MFNG: variants seen among roughly 807,000 people sequenced by gnomAD.
MFNG encodes beta-1,3-N-acetylglucosaminyltransferase manic fringe.
MFNG carries 24 observed loss-of-function variants against 34.2 expected under a neutral mutation model. The ratio of observed to expected loss-of-function variants is 0.70; its 90% CI spans 0.51 to 0.99. MFNG has a LOEUF of 0.99. Ranked by LOEUF, MFNG falls within the 50% of genes least tolerant of loss-of-function variation. The pLI is 0.00. For missense variants in MFNG, 383 were observed against 424.0 expected, an observed-to-expected ratio of 0.90 and a Z score of 0.85; for synonymous variants, 158 against 179.2, an observed-to-expected ratio of 0.88 and a Z score of 0.94.
rs1471295883 is a variant in MFNG, at chr22:37,470,014, A to G, written c.915T>C (p.His305=). ...AGGGTGTATCTGGATAGAGCAGACA[A>G]TGGAGGGAGCGAAATCTGCAGAGAG... ...EEDPSRFRSL[H]CLLYPDTPWC... The change falls in exon 8 of 8, where the codon CAT becomes CAC. Residue 305 remains histidine, a synonymous_variant. Coordinates refer to ENST00000356998, the MANE Select transcript of MFNG (RefSeq NM_002405.4). 4.4e-6 allele frequency: 7 copies of G among 1,608,264 alleles called. No individual in the cohort carries two copies. Among genetic ancestry groups the G allele is most frequent in the Non-Finnish European group, 5.9e-6 (7 of 1,177,064 alleles).
Position 37,485,478 on chromosome 22 carries a change from C to G in MFNG, c.255+445G>C, listed in dbSNP as rs1922503359. On this transcript the variant is annotated intron_variant, in intron 1 of 7. Transcript: ENST00000356998. This position sits in a 1 kb window ranked among gnomAD's most constrained non-coding sequence, Gnocchi z 5.3. The stretch of plus-strand genomic sequence containing the variant: ...AGCCCGGGCAGGACAGCACCTAGGG[C>G]CTGGGTGGGACAGCCTGGCCTGGGC... Among the ~76,000 whole-genome samples the G allele has an allele frequency of 6.6e-6, 1 of 152,204 alleles. No individual in the cohort carries two copies. The highest frequency in any genetic ancestry group is 1.5e-5 in the Non-Finnish European group (1 of 68,028).
At chr22:37,473,600 G>C (rs1921904436) in intron 6 of MFNG, among the ~76,000 whole-genome samples, 1 of 152,110 alleles carries the variant, frequency 6.6e-6, no homozygotes, top group South Asian at 2.1e-4. Context: ...TCCAGGCCTG[G>C]CCAATCAACA....
rs777054611 is a variant in MFNG, at chr22:37,486,198, G to A, written c.-21C>T. 5.9e-6 allele frequency: 9 copies of A among 1,520,454 alleles called. No homozygotes were observed. The highest frequency in any genetic ancestry group is 2.8e-5 in the African/African-American group (2 of 72,672). 94.2% of individuals were successfully genotyped at this position (1,520,454 alleles called of 1,614,324 possible). On this transcript the variant is annotated 5_prime_UTR_variant, in exon 1 of 8. Transcript: ENST00000356998. ...TGCATTGGTTGGCCCTGGGACCCCA[G>A]ACAGCTCAGCCCCCAAATCCCAACC...
rs1398787550 is a variant in MFNG at position 37,485,987 on chromosome 22, C to T, written c.191G>A (p.Arg64Gln). The change falls in exon 1 of 8, where the codon CGG becomes CAG. Residue 64 changes from arginine to glutamine, a missense_variant. Coordinates refer to ENST00000356998, the MANE Select transcript of MFNG (RefSeq NM_002405.4). This position sits in a 1 kb window ranked among gnomAD's most constrained non-coding sequence, Gnocchi z 5.3. The part of the protein sequence containing the change: ...HDVFIAVKTT[R>Q]AFHRLRLELL... ...CTCCAGGCGCAAGCGGTGGAAAGCC[C>T]GGGTCGTCTTCACTGCAATGAAGAC... The T allele has an allele frequency of 1.1e-5, 17 of 1,613,852 alleles. No homozygotes were observed. The highest frequency in any genetic ancestry group is 1.4e-5 in the Non-Finnish European group (16 of 1,179,914).
chr22:37,485,929 C>G lies in MFNG; in HGVS notation c.249G>C (p.Arg83Ser). 6.2e-7 allele frequency: 1 copy of G among 1,612,922 alleles called. No individual in the cohort carries two copies. Among genetic ancestry groups the G allele is most frequent in the South Asian group, 1.1e-5 (1 of 90,932 alleles). The stretch of plus-strand genomic sequence containing the variant: ...AATGTCACCCACTTGTCACCTGTTC[C>G]CTGGTCCTGGAAACCCACGTGTCAA... ...LLLDTWVSRT[R>S]EQTFVFTDSP... is the part of the protein sequence containing the mutation. The change falls in exon 1 of 8, where the codon AGG (arginine) becomes AGC (serine). Residue 83 changes from arginine to serine, a missense_variant. Coordinates refer to ENST00000356998, the MANE Select transcript of MFNG (RefSeq NM_002405.4). The surrounding 1 kb of genome is among the most constrained non-coding windows in gnomAD (Gnocchi z 5.3).
Position 37,469,876 on chromosome 22 carries a change from G to A in MFNG, c.*87C>T, listed in dbSNP as rs1166424179. 9.0e-7 allele frequency: 1 copy of A among 1,107,562 alleles called. No homozygotes were observed. Among genetic ancestry groups the A allele is most frequent in the East Asian group, 2.6e-5 (1 of 38,916 alleles). 68.6% of individuals were successfully genotyped at this position (1,107,562 alleles called of 1,614,324 possible). On this transcript the variant is annotated 3_prime_UTR_variant, in exon 8 of 8. Coordinates refer to ENST00000356998, the MANE Select transcript of MFNG (RefSeq NM_002405.4). ...CCCTGCCAGGGACTGCCTATCACAA[G>A]ACACTTGCCAGGGACCCACAGTGCC...
Position 37,470,049 on chromosome 22 carries a change from G to T in MFNG, c.900-20C>A. The T allele has an allele frequency of 6.4e-7, 1 of 1,573,626 alleles. No individual in the cohort carries two copies. The highest frequency in any genetic ancestry group is 8.7e-7 in the Non-Finnish European group (1 of 1,153,190). On this transcript the variant is annotated intron_variant, in intron 7 of 7. Transcript: ENST00000356998. ...CGAAATCTGCAGAGAGACCAGAAAA[G>T]GACAGGATGGTCACCCCCCACTTCT...
Position 37,485,502 on chromosome 22 carries a change from G to A in MFNG, c.255+421C>T, listed in dbSNP as rs962585860. On this transcript the variant is annotated intron_variant, in intron 1 of 7. Coordinates refer to ENST00000356998, the MANE Select transcript of MFNG (RefSeq NM_002405.4). This position sits in a 1 kb window ranked among gnomAD's most constrained non-coding sequence, Gnocchi z 5.3. ...GCCTGGGTGGGACAGCCTGGCCTGG[G>A]CACGGGTCTGGGTCAGGACCTCTTG... Among the ~76,000 whole-genome samples the A allele has an allele frequency of 1.3e-5, 2 of 152,210 alleles. No homozygotes were observed. The highest frequency in any genetic ancestry group is 2.4e-5 in the African/African-American group (1 of 41,462).
chr22:37,475,017 A>G (rs1377053314), intron 5 of MFNG, among the ~76,000 whole-genome samples: 1 of 152,164 alleles, frequency 6.6e-6, no homozygotes, highest in East Asian at 1.9e-4. Flanking sequence ...GCCAGATACC[A>G]TGCTAGGGCT....
In MFNG at chr22:37,486,339, G is replaced by A. The variant is rs1922556648; in HGVS notation, c.-162C>T. 1.4e-6 allele frequency: 1 copy of A among 691,950 alleles called. No individual in the cohort carries two copies. 42.9% of individuals were successfully genotyped at this position (691,950 alleles called of 1,614,324 possible). On this transcript the variant is annotated 5_prime_UTR_variant, in exon 1 of 8. It introduces an in-frame stop codon into an upstream open reading frame of the 5' UTR. Transcript: ENST00000356998. ...AGCTGAGGCTCTGGACCCAGAGGCT[G>A]AGCCATGGCAGCACGATCTCGACCG...
rs1210341716 is a variant in MFNG, at chr22:37,482,385, T to A, written c.256-1616A>T. 6.6e-6 allele frequency among the ~76,000 whole-genome samples: 1 copy of A among 152,066 alleles called. No homozygotes were observed. The highest frequency in any genetic ancestry group is 1.5e-5 in the Non-Finnish European group (1 of 68,008). ...CCTGCCTGATGTAGTCTGATCTCATTACTTCCTGTCCACCCCTGGGGCTTC... is the reference window on the plus strand; with the variant it reads ...CCTGCCTGATGTAGTCTGATCTCATAACTTCCTGTCCACCCCTGGGGCTTC... On this transcript the variant is annotated intron_variant, in intron 1 of 7. Transcript: ENST00000356998. The surrounding 1 kb of genome is among the most constrained non-coding windows in gnomAD (Gnocchi z 4.1).
At chr22:37,479,587 G>T in intron 3 of MFNG, 89 bp from the exon 4 acceptor site, 1 of 1,523,616 alleles carries the variant, frequency 6.6e-7, no homozygotes, top group Non-Finnish European at 9.0e-7. Context: ...AACAGTGACG[G>T]AATGGGGGTA....
At chr22:37,473,783 A>ACTT (rs1921915471) in intron 6 of MFNG, among the ~76,000 whole-genome samples, 1 of 152,228 alleles carries the variant, frequency 6.6e-6, no homozygotes, top group Non-Finnish European at 1.5e-5. Context: ...GGATGGGCCA[A>ACTT]CTTGGGGGAG....
chr22:37,476,301 A>C (rs1922038031), intron 5 of MFNG, among the ~76,000 whole-genome samples: 1 of 151,872 alleles, frequency 6.6e-6, no homozygotes. Context: ...TCCCCTCATA[A>C]TATTAGGAGT....
chr22:37,486,024 G>A lies in MFNG; in HGVS notation c.154C>T (p.Gln52Ter), dbSNP rs1164418569. 40 of 1,614,090 alleles carry A rather than the reference G, an allele frequency of 2.5e-5. No homozygotes were observed. Among genetic ancestry groups the A allele is most frequent in the Non-Finnish European group, 3.3e-5 (39 of 1,179,974 alleles). ...ACTGCAATGAAGACATCGTGTAGCT[G>A]TAGCTTAGGGGGCCCCGGGTTCGGC... Reference protein sequence around the residue: ...SQPNPGPPKLQLHDVFIAVKT... With the variant: ...SQPNPGPPKL The change falls in exon 1 of 8, where the codon CAG (glutamine) becomes TAG (stop). Residue 52 changes from glutamine to a stop codon, truncating the protein, a stop_gained. Transcript: ENST00000356998. LOFTEE classifies it high-confidence loss of function.
chr22:37,473,295 G>T (rs753488913), intron 6 of MFNG, among the ~76,000 whole-genome samples: 1 of 152,068 alleles, frequency 6.6e-6, no homozygotes, highest in East Asian at 1.9e-4. Flanking sequence ...CAGGCATGGT[G>T]GTGGGTGCCT....
In MFNG at chr22:37,474,503, C is replaced by A. The variant is rs1360892410; in HGVS notation, c.813+9G>T. The A allele has an allele frequency of 3.7e-6, 6 of 1,613,254 alleles. No individual in the cohort carries two copies. The African/African-American group carries it at 6.7e-5, about 18-fold the overall frequency. On this transcript the variant is annotated intron_variant, in intron 6 of 7. Coordinates refer to ENST00000356998, the MANE Select transcript of MFNG (RefSeq NM_002405.4). ...TCCCATTTGCCACCTGCCCCCAAGG[C>A]CAGCTCACCTGTTCTGGGAGCTGTG... is the stretch of plus-strand genomic sequence containing the variant.
rs918762857 is a variant in MFNG at position 37,483,932 on chromosome 22, A to G, written c.255+1991T>C. Among the ~76,000 whole-genome samples the G allele has an allele frequency of 2.0e-5, 3 of 152,202 alleles. No individual in the cohort carries two copies. The highest frequency in any genetic ancestry group is 7.2e-5 in the African/African-American group (3 of 41,448). ...AAGGTTGGCACAGAGCGATGGGCAGAGTTTCTTTGGAGCCAAGGGCTGCAT... is the reference window on the plus strand; with the variant it reads ...AAGGTTGGCACAGAGCGATGGGCAGGGTTTCTTTGGAGCCAAGGGCTGCAT... On this transcript the variant is annotated intron_variant, in intron 1 of 7. Transcript: ENST00000356998. The surrounding 1 kb of genome is among the most constrained non-coding windows in gnomAD (Gnocchi z 4.5).
intron 5 of MFNG, among the ~76,000 whole-genome samples, chr22:37,475,494 G>C (rs1436942915): frequency 2.0e-5 from 3 of 152,186 alleles, no homozygotes; most frequent in Admixed American, 2.0e-4. Flanking sequence ...AAAGTGCTGG[G>C]ATTACAGGCA....
Sources: gnomAD v4.1 joint callset for allele counts (sites outside exome capture counted in the v4.1 genomes callset) on GRCh38, gnomAD v4.1.1 for gene constraint, Gnocchi (gnomAD v3.1) non-coding constraint, MANE v1.5 for transcripts, NCBI Gene and HGNC (gene_info 2026-07-23, HGNC 2026-07-21) for gene names.